The following NRG4 variants were observed in gnomAD, a reference collection of about 807,000 sequenced individuals.
The protein encoded by NRG4 is pro-neuregulin-4, membrane-bound isoform.
Under a neutral mutation model 15.0 loss-of-function variants are expected in NRG4, and 10 were observed. The observed-to-expected ratio is 0.67, with a 90% CI of 0.41 to 1.13. NRG4 has a LOEUF of 1.13. Among genes scored for constraint, NRG4 ranks in the 50% most tolerant of loss-of-function variants. The pLI, the probability that NRG4 is intolerant of heterozygous loss-of-function variation, is 0.00. For synonymous variants in NRG4, 41 were observed against 50.1 expected (o/e 0.82, Z 0.77); for missense variants, 139 against 140.2 (o/e 0.99, Z 0.04).
At chr15:76,041,880 T>C (rs1163445418) in intron 4 of NRG4, among the ~76,000 whole-genome samples, 1 of 152,116 alleles carries the variant, frequency 6.6e-6, no homozygotes, top group Non-Finnish European at 1.5e-5. Flanking sequence ...GAATACACAA[T>C]CTTTTCCTCA....
chr15:76,004,090 G>A (rs986274689), intron 3 of NRG4, among the ~76,000 whole-genome samples: 2 of 152,122 alleles, frequency 1.3e-5, no homozygotes, highest in South Asian at 2.1e-4. Flanking sequence ...TTTATGTTTT[G>A]TGGCACACAA....
At chr15:75,980,763 A>G (rs1175391425) in intron 3 of NRG4, among the ~76,000 whole-genome samples, 3 of 152,140 alleles carry the variant, frequency 2.0e-5, no homozygotes, top group Non-Finnish European at 4.4e-5. Flanking sequence ...TACATCCCTC[A>G]GAGACTTCAT....
intron 2 of NRG4, among the ~76,000 whole-genome samples, chr15:76,010,773 T>A (rs1462791056): frequency 6.6e-6 from 1 of 152,122 alleles, no homozygotes; most frequent in East Asian, 1.9e-4. Context: ...CATATATGGT[T>A]TTCCACTGAG....
rs763756583 is a variant in NRG4 at position 75,961,794 on chromosome 15, A to C, written c.251+34T>G. Reference sequence around the variant, plus strand: ...TAGTGGAATAACTACTTTATGTATTACTTTTCTCAAAAGCATGTTTCTATT... The same window carrying C: ...TAGTGGAATAACTACTTTATGTATTCCTTTTCTCAAAAGCATGTTTCTATT... On this transcript the variant is annotated intron_variant, in intron 4 of 5. Transcript: ENST00000394907. The C allele has an allele frequency of 2.0e-6, 3 of 1,516,494 alleles. No individual in the cohort carries two copies. In the African/African-American group the frequency reaches 4.1e-5, roughly 21 times the overall value. 93.9% of individuals were successfully genotyped at this position (1,516,494 alleles called of 1,614,324 possible). A position where few individuals can be genotyped will look rare whatever the true frequency, so the allele number is the denominator to read the frequency against.
chr15:75,998,657 G>A (rs1461260224), intron 3 of NRG4, among the ~76,000 whole-genome samples: 2 of 152,114 alleles, frequency 1.3e-5, no homozygotes, highest in African/African-American at 2.4e-5. Flanking sequence ...AGGGTTTTAA[G>A]CATAGAAATA....
intron 3 of NRG4, among the ~76,000 whole-genome samples, chr15:75,986,510 CT>C (rs2033806631): frequency 6.6e-6 from 1 of 152,010 alleles, no homozygotes; most frequent in Admixed American, 6.6e-5. Flanking sequence ...ATGAAATGAT[CT>C]CCAAAATATA....
intron 3 of NRG4, among the ~76,000 whole-genome samples, chr15:75,975,706 G>A (rs2033335650): frequency 6.6e-6 from 1 of 152,170 alleles, no homozygotes; most frequent in South Asian, 2.1e-4. Context: ...TAGGGTTTCT[G>A]CAGAGAGATC....
At chr15:76,025,459 A>G (rs1444293988) in intron 5 of NRG4, among the ~76,000 whole-genome samples, 2 of 152,100 alleles carry the variant, frequency 1.3e-5, no homozygotes, top group Admixed American at 6.5e-5. Context: ...GAATATAGAT[A>G]GACAACACAA....
At chr15:75,968,760 A>G (rs1341067938) in intron 3 of NRG4, among the ~76,000 whole-genome samples, 2 of 152,198 alleles carry the variant, frequency 1.3e-5, no homozygotes, top group East Asian at 3.9e-4. Flanking sequence ...TAAGTAAATA[A>G]AAGTCTATTA....
intron 3 of NRG4, among the ~76,000 whole-genome samples, chr15:75,964,934 GA>G (rs923402494): frequency 6.6e-6 from 1 of 150,850 alleles, no homozygotes; most frequent in Non-Finnish European, 1.5e-5. Context: ...ATAAAAAAAA[GA>G]AAAAAAGAGG....
At chr15:75,960,653 A>C (rs557341456) in intron 4 of NRG4, among the ~76,000 whole-genome samples, 4 of 152,118 alleles carry the variant, frequency 2.6e-5, no homozygotes, top group African/African-American at 9.7e-5. Flanking sequence ...GCAGCATCCC[A>C]AGTAGTCTAT....
chr15:76,053,605 G>C (rs2036077643), intron 2 of NRG4, among the ~76,000 whole-genome samples: 1 of 150,566 alleles, frequency 6.6e-6, no homozygotes, highest in South Asian at 2.1e-4. Flanking sequence ...AGTGGCACCT[G>C]GAGCACAGTG....
At chr15:75,991,537 T>G (rs2034017527) in intron 3 of NRG4, among the ~76,000 whole-genome samples, 1 of 152,146 alleles carries the variant, frequency 6.6e-6, no homozygotes, top group Admixed American at 6.6e-5. Flanking sequence ...TTTAATGGAA[T>G]GTATACAGTT....
At chr15:75,954,554 C>G (rs1443627650) in intron 5 of NRG4, among the ~76,000 whole-genome samples, 1 of 151,350 alleles carries the variant, frequency 6.6e-6, no homozygotes, top group African/African-American at 2.4e-5. Context: ...CTCAGCCTCC[C>G]GAGTAGCTGG....
intron 3 of NRG4, among the ~76,000 whole-genome samples, chr15:75,963,964 A>G (rs1714837914): frequency 6.6e-6 from 1 of 151,816 alleles, no homozygotes; most frequent in Non-Finnish European, 1.5e-5. Flanking sequence ...ATACATATAT[A>G]TGTAAATAAA....
chr15:76,045,652 T>C (rs1327059895), intron 4 of NRG4, among the ~76,000 whole-genome samples: 3 of 151,028 alleles, frequency 2.0e-5, no homozygotes. Context: ...TGGAGGTCAC[T>C]GTTAAGTGAA....
chr15:75,943,439 T>A lies in NRG4; in HGVS notation c.*199A>T, dbSNP rs1005523051. 4.5e-5 allele frequency: 25 copies of A among 558,136 alleles called. No homozygotes were observed. In the African/African-American group the frequency reaches 4.6e-4, roughly 10 times the overall value. 34.6% of individuals were successfully genotyped at this position (558,136 alleles called of 1,614,324 possible). A position where few individuals can be genotyped will look rare whatever the true frequency, so the allele number is the denominator to read the frequency against. On this transcript the variant is annotated 3_prime_UTR_variant, in exon 6 of 6. Transcript: ENST00000394907. The stretch of plus-strand genomic sequence containing the variant: ...AATTATACTGGTATCACCCCCTACT[T>A]AGCAGTTGCCGATGGACTGATGCAC...
intron 4 of NRG4, among the ~76,000 whole-genome samples, chr15:76,048,114 T>C (rs1055716047): frequency 1.3e-5 from 2 of 149,360 alleles, no homozygotes; most frequent in Admixed American, 1.3e-4. Context: ...GCTATGATCT[T>C]GTCACTGTAC....
rs147787736 is a variant in NRG4, at chr15:75,952,736, A to G, written c.331+3196T>C. ...CACACTTGGTTTCATTGTGGTTTTGATCGTCATTTCCTGATGGCTAATGAT... is the reference window on the plus strand; with the variant it reads ...CACACTTGGTTTCATTGTGGTTTTGGTCGTCATTTCCTGATGGCTAATGAT... On this transcript the variant is annotated intron_variant, in intron 5 of 5. Transcript: ENST00000394907. 2.0e-4 allele frequency among the ~76,000 whole-genome samples: 30 copies of G among 151,960 alleles called. No individual in the cohort carries two copies. The East Asian group carries it at 5.8e-3, about 29-fold the overall frequency.
Sources: gnomAD v4.1 joint callset for allele counts (sites outside exome capture counted in the v4.1 genomes callset) on GRCh38, gnomAD v4.1.1 for gene constraint, MANE v1.5 for transcripts, NCBI Gene and HGNC (gene_info 2026-07-23, HGNC 2026-07-21) for gene names.